The following FHIT variants were observed in gnomAD, a reference collection of about 807,000 sequenced individuals.
FHIT encodes the protein bis(5'-adenosyl)-triphosphatase.
Under a neutral mutation model 17.9 loss-of-function variants are expected in FHIT, and 19 were observed. That is an observed-to-expected ratio of 1.06 (90% CI 0.74 to 1.56). FHIT has a LOEUF of 1.56. Ranked by LOEUF, FHIT falls within the 40% of genes most tolerant of loss-of-function variation. FHIT has a pLI of 0.00. For synonymous variants in FHIT, 81 were observed against 69.7 expected (o/e 1.16, Z -0.81); for missense variants, 248 against 189.2 (o/e 1.31, Z -1.82).
intron 4 of FHIT, among the ~76,000 whole-genome samples, chr3:60,703,383 C>A (rs77657499): frequency 6.6e-6 from 1 of 152,004 alleles, no homozygotes; most frequent in South Asian, 2.1e-4. Flanking sequence ...AATTACCAAA[C>A]GGTAATTTGT....
chr3:60,571,369 A>AC (rs1559549076), intron 4 of FHIT, among the ~76,000 whole-genome samples: 2 of 119,818 alleles, frequency 1.7e-5, no homozygotes, highest in African/African-American at 6.3e-5. Flanking sequence ...AAAAAGAACA[A>AC]TGAATGACGT....
chr3:59,938,894 G>A (rs1339622060), intron 7 of FHIT, among the ~76,000 whole-genome samples: 1 of 152,128 alleles, frequency 6.6e-6, no homozygotes, highest in South Asian at 2.1e-4. Context: ...GTTTTATGGG[G>A]ACCTCCTAAA....
At chr3:60,555,462 G>A (rs1047840954) in intron 4 of FHIT, among the ~76,000 whole-genome samples, 13 of 152,208 alleles carry the variant, frequency 8.5e-5, no homozygotes, top group African/African-American at 2.9e-4. Flanking sequence ...TTACAGAACA[G>A]CATTATCCAG....
At chr3:60,470,376 A>G (rs1326831202) in intron 5 of FHIT, among the ~76,000 whole-genome samples, 1 of 151,964 alleles carries the variant, frequency 6.6e-6, no homozygotes, top group Non-Finnish European at 1.5e-5. Context: ...AAATTTAGAA[A>G]TCTACTTGGT....
chr3:60,508,003 T>C (rs2034803555), intron 5 of FHIT, among the ~76,000 whole-genome samples: 1 of 152,186 alleles, frequency 6.6e-6, no homozygotes, highest in African/African-American at 2.4e-5. Flanking sequence ...TGTGTCTTTA[T>C]AGCAGAATGA....
intron 3 of FHIT, among the ~76,000 whole-genome samples, chr3:60,833,677 T>C (rs1260241284): frequency 6.6e-6 from 1 of 152,178 alleles, no homozygotes; most frequent in African/African-American, 2.4e-5. Context: ...TGGTAACATC[T>C]TGGAAAGCTA....
At chr3:60,099,336 G>A (rs1372160659) in intron 5 of FHIT, among the ~76,000 whole-genome samples, 1 of 152,166 alleles carries the variant, frequency 6.6e-6, no homozygotes, top group Admixed American at 6.5e-5. Flanking sequence ...CTAATTTGGT[G>A]TCAGGAACTG....
intron 4 of FHIT, 90 bp from the exon 5 acceptor site, chr3:60,537,069 G>T: frequency 9.7e-7 from 1 of 1,027,286 alleles, no homozygotes; most frequent in Non-Finnish European, 1.3e-6. Flanking sequence ...CATTACTACA[G>T]ATTCTTAGTT....
chr3:60,267,632 T>G (rs1303115519), intron 5 of FHIT, among the ~76,000 whole-genome samples: 3 of 152,150 alleles, frequency 2.0e-5, no homozygotes, highest in Non-Finnish European at 2.9e-5. Flanking sequence ...GTGCTTAACA[T>G]ATGACCGTTC....
At position 60,449,828 on chromosome 3, in the gene FHIT, C is replaced by G. The variant is rs1456615844; in HGVS notation, c.103+87032G>C. Among the ~76,000 whole-genome samples, 3 of 151,762 alleles carry G rather than the reference C, an allele frequency of 2.0e-5. No homozygotes were observed. In the East Asian group the frequency reaches 5.8e-4, roughly 29 times the overall value. ...GACCATCCTGGCCAATATGGTGAAACCCCATCTCTACTAAAAATACGAAAA... is the reference window on the plus strand; with the variant it reads ...GACCATCCTGGCCAATATGGTGAAAGCCCATCTCTACTAAAAATACGAAAA... On this transcript the variant is annotated intron_variant, in intron 5 of 9. Coordinates refer to ENST00000492590, the MANE Select transcript of FHIT (RefSeq NM_002012.4).
chr3:61,067,766 G>T (rs1280307283), intron 2 of FHIT, among the ~76,000 whole-genome samples: 1 of 152,126 alleles, frequency 6.6e-6, no homozygotes, highest in East Asian at 1.9e-4. Flanking sequence ...CTTTGGAGAT[G>T]GTCAAGGGCC....
intron 5 of FHIT, among the ~76,000 whole-genome samples, chr3:60,447,265 G>A (rs939645066): frequency 6.6e-6 from 1 of 152,058 alleles, no homozygotes; most frequent in Non-Finnish European, 1.5e-5. Flanking sequence ...TTTGTCACAA[G>A]CCACTCTAAT....
At chr3:60,186,380 CT>C (rs1702159118) in intron 5 of FHIT, among the ~76,000 whole-genome samples, 1 of 152,078 alleles carries the variant, frequency 6.6e-6, no homozygotes. Context: ...AAAAGTTATC[CT>C]TTCTCCATGT....
intron 5 of FHIT, among the ~76,000 whole-genome samples, chr3:60,429,943 T>C (rs750889486): frequency 2.0e-5 from 3 of 151,942 alleles, no homozygotes; most frequent in African/African-American, 4.8e-5. Flanking sequence ...TTGGACTTGG[T>C]CATGTGACTC....
chr3:60,393,091 G>T (rs190622753), intron 5 of FHIT, among the ~76,000 whole-genome samples: 225 of 152,000 alleles, frequency 1.5e-3, no homozygotes, highest in Middle Eastern at 6.8e-3. Context: ...TCCCGATTTG[G>T]CCCCTTCTGA....
intron 8 of FHIT, among the ~76,000 whole-genome samples, chr3:59,875,599 C>T (rs1048390360): frequency 3.3e-5 from 5 of 152,060 alleles, no homozygotes; most frequent in African/African-American, 1.2e-4. Context: ...GATATCTTTG[C>T]TTACAAGTTT....
At chr3:61,213,724 C>T (rs1576235375) in intron 1 of FHIT, among the ~76,000 whole-genome samples, 1 of 152,326 alleles carries the variant, frequency 6.6e-6, no homozygotes. Context: ...CACCACACCA[C>T]ACCTATTCCA....
At chr3:59,752,166 C>T in intron 9 of FHIT, 55 bp downstream of exon 9, 1 of 1,270,786 alleles carries the variant, frequency 7.9e-7, no homozygotes, top group Admixed American at 1.9e-5. Flanking sequence ...GAGAGTGCAG[C>T]CTCTTTCCTG....
At chr3:60,061,443 T>C (rs991313733) in intron 5 of FHIT, among the ~76,000 whole-genome samples, 1 of 152,186 alleles carries the variant, frequency 6.6e-6, no homozygotes. Flanking sequence ...AAGCTAGCTT[T>C]CCTTTTTTAT....
Sources: gnomAD v4.1 joint callset for allele counts (sites outside exome capture counted in the v4.1 genomes callset) on GRCh38, gnomAD v4.1.1 for gene constraint, MANE v1.5 for transcripts, NCBI Gene and HGNC (gene_info 2026-07-23, HGNC 2026-07-21) for gene names.